The following RHOBTB1 variants were observed in gnomAD, a reference collection of about 807,000 sequenced individuals.
The protein encoded by RHOBTB1 is rho-related BTB domain-containing protein 1.
Under a neutral mutation model 71.6 loss-of-function variants are expected in RHOBTB1, and 40 were observed. The ratio of observed to expected loss-of-function variants is 0.56; its 90% CI spans 0.43 to 0.73. The LOEUF is 0.73. RHOBTB1 is among the 30% of genes least tolerant of loss of function. RHOBTB1 has a pLI of 0.00. For synonymous variants in RHOBTB1, 319 were observed against 334.9 expected (o/e 0.95, Z 0.52); for missense variants, 797 against 894.0 (o/e 0.89, Z 1.38).
At chr10:60,945,079 T>C (rs1308844462), upstream of RHOBTB1, among the ~76,000 whole-genome samples, 1 of 152,166 alleles carries the variant, frequency 6.6e-6, no homozygotes, top group African/African-American at 2.4e-5. Context: ...TTCACATAAA[T>C]GCTTATAGAG....
chr10:60,927,146 A>C (rs182599106), intron 2 of RHOBTB1, among the ~76,000 whole-genome samples: 1 of 152,366 alleles, frequency 6.6e-6, no homozygotes. Context: ...CAAAATGCCT[A>C]GGAATAAACT....
chr10:60,976,652 T>C (rs2086326525), intron 2 of RHOBTB1, among the ~76,000 whole-genome samples: 1 of 152,054 alleles, frequency 6.6e-6, no homozygotes, highest in African/African-American at 2.4e-5. Context: ...CGATAGGAAA[T>C]CACACATTTA....
chr10:60,914,485 TG>T lies in RHOBTB1; in HGVS notation c.-10-2934del, dbSNP rs147766749. Among the ~76,000 whole-genome samples, 1,256 of 152,212 alleles carry T rather than the reference TG, an allele frequency of 8.3e-3. 14 individuals carry two copies. The highest frequency in any genetic ancestry group is 0.029 in the African/African-American group (1,186 of 41,512). On this transcript the variant is annotated intron_variant, in intron 2 of 10. Transcript: ENST00000337910. ...TGAATTTTTTTTATTTATTTATTTT[TG>T]ATAGATAAATGTCATATAGAGCCAA... is the stretch of plus-strand genomic sequence containing the variant.
the RHOBTB1 span, among the ~76,000 whole-genome samples, chr10:60,861,930 G>A: frequency 1.4e-4 from 21 of 152,198 alleles, no homozygotes; most frequent in Admixed American, 2.6e-4. Context: ...GAAAGATGTT[G>A]CCTTTCCTTG....
intron 1 of RHOBTB1, among the ~76,000 whole-genome samples, chr10:60,990,127 C>T (rs570878883): frequency 1.1e-4 from 16 of 151,938 alleles, no homozygotes; most frequent in South Asian, 1.0e-3. Flanking sequence ...GGACTACAGG[C>T]GCCCGCCACC....
chr10:60,958,815 G>A (rs1287434449), intron 2 of RHOBTB1, among the ~76,000 whole-genome samples: 1 of 151,994 alleles, frequency 6.6e-6, no homozygotes, highest in Non-Finnish European at 1.5e-5. Context: ...TGTGCAGGCT[G>A]GTCTCCAAAT....
intron 2 of RHOBTB1, among the ~76,000 whole-genome samples, chr10:60,928,355 T>C (rs2084016156): frequency 1.3e-5 from 2 of 151,868 alleles, no homozygotes; most frequent in South Asian, 4.1e-4. Context: ...AATCAGTATA[T>C]CAAAGCGATA....
intron 1 of RHOBTB1, among the ~76,000 whole-genome samples, chr10:60,999,380 C>T (rs754733541): frequency 5.3e-5 from 8 of 152,168 alleles, no homozygotes; most frequent in Non-Finnish European, 1.2e-4. Flanking sequence ...CAAAAAAGAT[C>T]CCTTGTATCA....
chr10:60,950,930 T>A (rs1014396007), intron 2 of RHOBTB1, among the ~76,000 whole-genome samples: 2 of 152,212 alleles, frequency 1.3e-5, no homozygotes, highest in African/African-American at 2.4e-5. Flanking sequence ...GAAGTTTGAA[T>A]GTTTTGCTCT....
chr10:60,950,700 T>G (rs2085380514), intron 2 of RHOBTB1, among the ~76,000 whole-genome samples: 1 of 152,210 alleles, frequency 6.6e-6, no homozygotes, highest in African/African-American at 2.4e-5. Context: ...TTTTGTAAGA[T>G]GTAAAGCTCT....
chr10:60,906,803 G>GA (rs140787698), intron 4 of RHOBTB1, among the ~76,000 whole-genome samples: 44 of 147,948 alleles, frequency 3.0e-4, no homozygotes, highest in East Asian at 1.4e-3. Flanking sequence ...TTTTATAGGG[G>GA]AAAAAAAAAA....
At chr10:60,974,057 C>T (rs545947510) in intron 2 of RHOBTB1, among the ~76,000 whole-genome samples, 2 of 152,130 alleles carry the variant, frequency 1.3e-5, no homozygotes, top group East Asian at 3.9e-4. Context: ...AATTTTCTAT[C>T]TCCATAACAT....
chr10:60,941,670 C>CT (rs748323687), intron 2 of RHOBTB1, 134 bp downstream of exon 2: 9 of 152,114 alleles, frequency 5.9e-5, no homozygotes, highest in South Asian at 2.1e-4. Context: ...ACATTCATAA[C>CT]TGAGTCCATA....
intron 2 of RHOBTB1, among the ~76,000 whole-genome samples, chr10:60,955,793 A>G (rs1443081819): frequency 6.6e-6 from 1 of 152,222 alleles, no homozygotes; most frequent in African/African-American, 2.4e-5. Context: ...AAACTTGTTT[A>G]CAGCTTGAAA....
chr10:60,887,781 T>C (rs909752637), intron 6 of RHOBTB1, among the ~76,000 whole-genome samples: 7 of 152,180 alleles, frequency 4.6e-5, no homozygotes, highest in Admixed American at 2.6e-4. Flanking sequence ...CAATGGAGAA[T>C]AGAATTGGTC....
chr10:60,901,695 T>C (rs1000996483), intron 4 of RHOBTB1, among the ~76,000 whole-genome samples: 3 of 152,270 alleles, frequency 2.0e-5, no homozygotes, highest in East Asian at 1.9e-4. Context: ...TTTTCTTTTC[T>C]TCTTTCATCA....
chr10:60,880,976 C>G (rs1050496994), intron 7 of RHOBTB1, among the ~76,000 whole-genome samples: 1 of 152,026 alleles, frequency 6.6e-6, no homozygotes, highest in South Asian at 2.1e-4. Flanking sequence ...TTGGCTGTGC[C>G]CCACTCAAAT....
intron 2 of RHOBTB1, among the ~76,000 whole-genome samples, chr10:60,950,425 C>T (rs776420651): frequency 3.9e-5 from 6 of 152,082 alleles, no homozygotes; most frequent in Non-Finnish European, 8.8e-5. Context: ...GGCTATCTTG[C>T]CTGACCACCT....
chr10:60,886,043 A>T, intron 7 of RHOBTB1, 69 bp downstream of exon 7: 2 of 1,167,866 alleles, frequency 1.7e-6, no homozygotes, highest in Non-Finnish European at 2.6e-6. Flanking sequence ...CTGTTTACCC[A>T]CTTTATATAA....
Sources: gnomAD v4.1 joint callset for allele counts (sites outside exome capture counted in the v4.1 genomes callset) on GRCh38, gnomAD v4.1.1 for gene constraint, MANE v1.5 for transcripts, NCBI Gene and HGNC (gene_info 2026-07-23, HGNC 2026-07-21) for gene names.